The following CYFIP2 variants were observed in gnomAD, a reference collection of about 807,000 sequenced individuals.
The protein encoded by CYFIP2 is cytoplasmic FMR1-interacting protein 2.
A neutral mutation model predicts 158.7 loss-of-function variants in CYFIP2; 29 were observed. The observed-to-expected ratio is 0.18, with a 90% CI of 0.14 to 0.25. The LOEUF is 0.25. CYFIP2 is among the 10% of genes least tolerant of loss of function. The pLI, the probability that CYFIP2 is intolerant of heterozygous loss-of-function variation, is 1.00. For synonymous variants in CYFIP2, 585 were observed against 617.6 expected (o/e 0.95, Z 0.78); for missense variants, 852 against 1,639.5 (o/e 0.52, Z 8.29).
intron 26 of CYFIP2, among the ~76,000 whole-genome samples, chr5:157,378,564 A>G (rs1343983661): frequency 2.0e-5 from 3 of 152,224 alleles, no homozygotes; most frequent in Non-Finnish European, 4.4e-5. Context: ...ATTGGCTGCC[A>G]TGGAAAAACA....
At chr5:157,306,473 C>T (rs886137504) in intron 8 of CYFIP2, among the ~76,000 whole-genome samples, 7 of 152,218 alleles carry the variant, frequency 4.6e-5, no homozygotes, top group Admixed American at 1.3e-4. Context: ...GTTCCCCACC[C>T]TCTTCAATCT....
intron 16 of CYFIP2, 117 bp downstream of exon 16, chr5:157,324,191 CA>C: frequency 8.3e-7 from 1 of 1,203,926 alleles, no homozygotes; most frequent in Admixed American, 2.9e-5. Flanking sequence ...CTAAGGGGCA[CA>C]TATCACCACC....
chr5:157,368,613 A>AC (rs1161941599), intron 26 of CYFIP2, among the ~76,000 whole-genome samples: 3 of 152,116 alleles, frequency 2.0e-5, no homozygotes, highest in East Asian at 1.9e-4. Flanking sequence ...TCCCAATAAT[A>AC]CCCTTCCTTT....
Position 157,266,765 on chromosome 5 carries a change from G to T in CYFIP2, c.-24+570G>T. ...GAGGGCTTTGATGAGAGAGGAGCAG[G>T]TCTGACCCGCTTGGAAGCTTTCTGG... On this transcript the variant is annotated intron_variant, in intron 1 of 30. Transcript: ENST00000620254. This position sits in a 1 kb window ranked among gnomAD's most constrained non-coding sequence, Gnocchi z 4.2. 1 of 152,554 alleles carries T rather than the reference G, an allele frequency of 6.6e-6. No homozygotes were observed. The highest frequency in any genetic ancestry group is 1.5e-5 in the Non-Finnish European group (1 of 68,166). The allele number at this position is 152,554 out of a possible 1,614,324, so 9.5% of individuals were successfully genotyped here. A position where few individuals can be genotyped will look rare whatever the true frequency, so the allele number is the denominator to read the frequency against.
At position 157,287,225 on chromosome 5, in the gene CYFIP2, T is replaced by C. The variant is rs1757463132; in HGVS notation, c.207+117T>C. 6 of 731,254 alleles carry C rather than the reference T, an allele frequency of 8.2e-6. No individual in the cohort carries two copies. In the Admixed American group the frequency reaches 1.3e-4, roughly 16 times the overall value. 45.3% of individuals were successfully genotyped at this position (731,254 alleles called of 1,614,324 possible). ...CTACTCTAAGAACCCCCTGCCTCAGTCAGAATCATCTGCTTAAGCCCACTC... is the reference window on the plus strand; with the variant it reads ...CTACTCTAAGAACCCCCTGCCTCAGCCAGAATCATCTGCTTAAGCCCACTC... On this transcript the variant is annotated intron_variant, in intron 3 of 30. Coordinates refer to ENST00000620254, the MANE Select transcript of CYFIP2 (RefSeq NM_001037333.3).
At chr5:157,309,526 C>T (rs2113022566) in intron 9 of CYFIP2, among the ~76,000 whole-genome samples, 1 of 152,280 alleles carries the variant, frequency 6.6e-6, no homozygotes. Flanking sequence ...GGCTCCGTTG[C>T]CTAGAACATA....
rs376458256 is a variant in CYFIP2 at position 157,300,913 on chromosome 5, C to A, written c.569+17C>A. On this transcript the variant is annotated intron_variant, in intron 6 of 30. Coordinates refer to ENST00000620254, the MANE Select transcript of CYFIP2 (RefSeq NM_001037333.3). ...CTACAAGAGGTCAGGGCAACCTCCC[C>A]CTCTCCCCTTTCCCCATCCAGGCCC... The A allele has an allele frequency of 1.3e-4, 206 of 1,530,986 alleles. No individual in the cohort carries two copies. The highest frequency in any genetic ancestry group is 1.7e-4 in the Non-Finnish European group (192 of 1,130,998). The allele number at this position is 1,530,986 out of a possible 1,614,324, so 94.8% of individuals were successfully genotyped here.
intron 23 of CYFIP2, among the ~76,000 whole-genome samples, chr5:157,347,512 G>T (rs750738829): frequency 6.6e-6 from 1 of 152,100 alleles, no homozygotes; most frequent in Non-Finnish European, 1.5e-5. Context: ...CTTCCCATGC[G>T]AGCACAGCCA....
At chr5:157,289,410 A>G (rs189692537) in intron 3 of CYFIP2, among the ~76,000 whole-genome samples, 2 of 152,336 alleles carry the variant, frequency 1.3e-5, no homozygotes, top group East Asian at 3.9e-4. Flanking sequence ...TACCTTAACA[A>G]AGTGCCACAG....
intron 26 of CYFIP2, 74 bp from the exon 27 acceptor site, chr5:157,382,516 G>C (rs1766227834): frequency 6.5e-7 from 1 of 1,535,078 alleles, no homozygotes; most frequent in African/African-American, 1.4e-5. Context: ...CCAGTGCTCA[G>C]GTTTTTAGGA....
At position 157,309,624 on chromosome 5, in the gene CYFIP2, A is replaced by T. The variant is rs185814541; in HGVS notation, c.901-119A>T. 2.0e-5 allele frequency: 17 copies of T among 856,026 alleles called. 1 individual carries two copies. The Admixed American group carries it at 3.3e-4, about 17-fold the overall frequency. 53.0% of individuals were successfully genotyped at this position (856,026 alleles called of 1,614,324 possible). On this transcript the variant is annotated intron_variant, in intron 9 of 30. Coordinates refer to ENST00000620254, the MANE Select transcript of CYFIP2 (RefSeq NM_001037333.3). ...ACATGGTAGCGTCATCGGAAGCAGAAACTAGGGGTCGGCCCCCAGGCACAC... is the reference window on the plus strand; with the variant it reads ...ACATGGTAGCGTCATCGGAAGCAGATACTAGGGGTCGGCCCCCAGGCACAC...
At chr5:157,332,772 G>A (rs1292939146) in intron 20 of CYFIP2, among the ~76,000 whole-genome samples, 1 of 152,112 alleles carries the variant, frequency 6.6e-6, no homozygotes, top group Non-Finnish European at 1.5e-5. Flanking sequence ...AGCCTCCCAA[G>A]TAGCTAGGAC....
chr5:157,386,692 G>A (rs1406967806), intron 28 of CYFIP2, among the ~76,000 whole-genome samples: 1 of 152,170 alleles, frequency 6.6e-6, no homozygotes, highest in Admixed American at 6.5e-5. Context: ...GGCCAAGGTG[G>A]GTGGATCATG....
intron 26 of CYFIP2, chr5:157,376,923 A>G (rs1765538932): frequency 4.4e-6 from 2 of 456,130 alleles, no homozygotes; most frequent in Non-Finnish European, 8.8e-6. Context: ...CCTTGCCTGA[A>G]TCTGACCTTG....
intron 26 of CYFIP2, among the ~76,000 whole-genome samples, chr5:157,381,708 C>T (rs1045971107): frequency 6.6e-6 from 1 of 152,164 alleles, no homozygotes; most frequent in Non-Finnish European, 1.5e-5. Context: ...AACAGCTGGC[C>T]TTTCAGAGTC....
Position 157,361,895 on chromosome 5 carries a change from G to C in CYFIP2, c.3039+297G>C, listed in dbSNP as rs546095629. On this transcript the variant is annotated intron_variant, in intron 26 of 30. Coordinates refer to ENST00000620254, the MANE Select transcript of CYFIP2 (RefSeq NM_001037333.3). This position sits in a 1 kb window ranked among gnomAD's most constrained non-coding sequence, Gnocchi z 4.4. ...TGAGGTTTACTGCAGGAGAAAGGAG[G>C]GTGTTTATTTTCAGAGTACCAAGCA... is the stretch of plus-strand genomic sequence containing the variant. Among the ~76,000 whole-genome samples, 1 of 152,194 alleles carries C rather than the reference G, an allele frequency of 6.6e-6. No individual in the cohort carries two copies. Among genetic ancestry groups the C allele is most frequent in the Admixed American group, 6.5e-5 (1 of 15,296 alleles).
rs2113138759 is a variant in CYFIP2, at chr5:157,325,475, C to T, written c.1826-7C>T. On this transcript the variant is annotated splice_region_variant and splice_polypyrimidine_tract_variant and intron_variant, in intron 16 of 30. Transcript: ENST00000620254. The stretch of plus-strand genomic sequence containing the variant: ...GTAACCAAAGGCTCGTTCCCTTATG[C>T]TTTCAGAAGCCCTGCAGCAGTGTTG... The T allele has an allele frequency of 1.3e-6, 2 of 1,598,612 alleles. No individual in the cohort carries two copies. Among genetic ancestry groups the T allele is most frequent in the Admixed American group, 1.8e-5 (1 of 56,656 alleles).
At chr5:157,287,252 T>C in intron 3 of CYFIP2, 144 bp downstream of exon 3, 1 of 618,540 alleles carries the variant, frequency 1.6e-6, no homozygotes, top group Non-Finnish European at 2.9e-6. Flanking sequence ...AGCCCACTCT[T>C]ACATTCTGCG....
intron 26 of CYFIP2, among the ~76,000 whole-genome samples, chr5:157,368,878 A>G (rs1440284763): frequency 6.8e-6 from 1 of 147,448 alleles, no homozygotes; most frequent in Non-Finnish European, 1.5e-5. Context: ...GGGCAAGATG[A>G]TCCCAGAGGT....
Sources: gnomAD v4.1 joint callset for allele counts (sites outside exome capture counted in the v4.1 genomes callset) on GRCh38, gnomAD v4.1.1 for gene constraint, Gnocchi (gnomAD v3.1) non-coding constraint, MANE v1.5 for transcripts, NCBI Gene and HGNC (gene_info 2026-07-23, HGNC 2026-07-21) for gene names.